FRAS1: variants seen among roughly 807,000 people sequenced by gnomAD.
The protein encoded by FRAS1 is extracellular matrix organizing protein FRAS1.
Under a neutral mutation model 435.2 loss-of-function variants are expected in FRAS1, and 290 were observed. The observed-to-expected ratio is 0.67, with a 90% CI of 0.61 to 0.73. The LOEUF (loss-of-function observed/expected upper bound fraction) is 0.73, where lower values mean the gene tolerates loss of function less well. Ranked by LOEUF, FRAS1 falls within the 30% of genes least tolerant of loss-of-function variation. The pLI, the probability that FRAS1 is intolerant of heterozygous loss-of-function variation, is 0.00. For missense variants in FRAS1, 4,860 were observed against 5,001.5 expected, an observed-to-expected ratio of 0.97 and a Z score of 0.85; for synonymous variants, 1,800 against 1,851.0, an observed-to-expected ratio of 0.97 and a Z score of 0.71.
intron 6 of FRAS1, among the ~76,000 whole-genome samples, chr4:78,256,009 T>C (rs1440370568): frequency 6.6e-6 from 1 of 152,206 alleles, no homozygotes; most frequent in Non-Finnish European, 1.5e-5. Flanking sequence ...GGCTATTCCA[T>C]GGCAGTTGAT....
At chr4:78,346,260 T>A (rs1331861564) in intron 20 of FRAS1, among the ~76,000 whole-genome samples, 1 of 152,236 alleles carries the variant, frequency 6.6e-6, no homozygotes, top group African/African-American at 2.4e-5. Flanking sequence ...GGCCCACTAA[T>A]AACTCATGTT....
chr4:78,394,304 G>T (rs28861485), intron 29 of FRAS1, among the ~76,000 whole-genome samples: 21,195 of 151,870 alleles, frequency 0.14, 1,859 homozygotes, highest in African/African-American at 0.25. Flanking sequence ...ATATCAAGGA[G>T]AATTTCCCCT....
intron 2 of FRAS1, among the ~76,000 whole-genome samples, chr4:78,194,160 TC>T (rs1215745648): frequency 1.3e-5 from 2 of 152,350 alleles, no homozygotes; most frequent in East Asian, 3.9e-4. Flanking sequence ...CTGATGGGCT[TC>T]CCTTTGTGGG....
At chr4:78,525,510 C>T (rs1410485975) in intron 69 of FRAS1, among the ~76,000 whole-genome samples, 1 of 152,172 alleles carries the variant, frequency 6.6e-6, no homozygotes, top group Admixed American at 6.6e-5. Flanking sequence ...ACTACACTGA[C>T]CCCAGGATGT....
Position 78,455,988 on chromosome 4 carries a change from C to T in FRAS1, c.6763+3634C>T, listed in dbSNP as rs143837893. 4.6e-3 allele frequency among the ~76,000 whole-genome samples: 694 copies of T among 152,130 alleles called. 2 individuals are homozygous for T. Among genetic ancestry groups the T allele is most frequent in the Non-Finnish European group, 5.4e-3 (368 of 67,996 alleles). ...CAGGTGGCTCAGGGGTGTGAGGTGG[C>T]TCAGTGATCCTCAGTGTGAGGCTTC... On this transcript the variant is annotated intron_variant, in intron 47 of 73. Coordinates refer to ENST00000512123, the MANE Select transcript of FRAS1 (RefSeq NM_025074.7).
At chr4:78,271,072 C>T (rs983310993) in intron 9 of FRAS1, among the ~76,000 whole-genome samples, 4 of 152,128 alleles carry the variant, frequency 2.6e-5, no homozygotes, top group Non-Finnish European at 5.9e-5. Context: ...TATAATGCTA[C>T]CAAAGACATC....
intron 1 of FRAS1, among the ~76,000 whole-genome samples, chr4:78,065,083 T>TATATATATATAC (rs1383890164): frequency 2.1e-5 from 3 of 140,596 alleles, no homozygotes; most frequent in African/African-American, 7.9e-5. Flanking sequence ...TATATATATA[T>TATATATATATAC]ACATACACAC....
At chr4:78,215,812 C>T (rs756991484) in intron 2 of FRAS1, among the ~76,000 whole-genome samples, 15 of 152,154 alleles carry the variant, frequency 9.9e-5, no homozygotes, top group Non-Finnish European at 1.8e-4. Context: ...ATTGATATTC[C>T]ATTGTATGTA....
chr4:78,509,149 C>G (rs939658272), intron 63 of FRAS1, 143 bp downstream of exon 63: 2 of 898,892 alleles, frequency 2.2e-6, no homozygotes, highest in Non-Finnish European at 3.3e-6. Context: ...TCTTTTTACT[C>G]TTATACATAA....
intron 14 of FRAS1, among the ~76,000 whole-genome samples, chr4:78,305,685 C>T (rs1402097530): frequency 2.6e-5 from 4 of 151,018 alleles, no homozygotes; most frequent in Non-Finnish European, 3.0e-5. Flanking sequence ...GGATTGCAAC[C>T]CCTGCCTTTT....
chr4:78,225,553 G>A (rs1724233878), intron 2 of FRAS1, among the ~76,000 whole-genome samples: 1 of 152,114 alleles, frequency 6.6e-6, no homozygotes, highest in South Asian at 2.1e-4. Flanking sequence ...AATTGTTTCA[G>A]AAGTCTTGCT....
At chr4:78,087,296 T>C (rs1272556845) in intron 2 of FRAS1, among the ~76,000 whole-genome samples, 1 of 151,988 alleles carries the variant, frequency 6.6e-6, no homozygotes, top group African/African-American at 2.4e-5. Flanking sequence ...GAGCTATCTA[T>C]GACAAACCCA....
At chr4:78,385,860 G>C (rs1348238072) in intron 28 of FRAS1, among the ~76,000 whole-genome samples, 1 of 151,354 alleles carries the variant, frequency 6.6e-6, no homozygotes, top group Non-Finnish European at 1.5e-5. Context: ...ACTCCAGCCT[G>C]GGCAACAGAG....
Position 78,201,847 on chromosome 4 carries a change from G to A in FRAS1, c.109-35663G>A, listed in dbSNP as rs557369633. On this transcript the variant is annotated intron_variant, in intron 2 of 73. Coordinates refer to ENST00000512123, the MANE Select transcript of FRAS1 (RefSeq NM_025074.7). ...GGATTCAGTGTGAGTTGGGAGAAAA[G>A]GGGGAAGAAGAAAAGAAAATAAATA... Among the ~76,000 whole-genome samples, 4 of 152,258 alleles carry A rather than the reference G, an allele frequency of 2.6e-5. No individual in the cohort carries two copies. The East Asian group carries it at 7.7e-4, about 29-fold the overall frequency.
chr4:78,356,467 C>A (rs375817858), intron 20 of FRAS1, among the ~76,000 whole-genome samples: 1 of 152,142 alleles, frequency 6.6e-6, no homozygotes, highest in African/African-American at 2.4e-5. Flanking sequence ...AAGGTCTTCC[C>A]CAGTCATGCA....
chr4:78,065,528 T>C (rs1339124347), intron 1 of FRAS1, among the ~76,000 whole-genome samples: 1 of 152,016 alleles, frequency 6.6e-6, no homozygotes, highest in Non-Finnish European at 1.5e-5. Flanking sequence ...AAAGTACATC[T>C]CCTGTAGAAA....
intron 70 of FRAS1, among the ~76,000 whole-genome samples, chr4:78,528,014 T>C (rs1721597794): frequency 1.3e-5 from 2 of 152,004 alleles, no homozygotes; most frequent in African/African-American, 4.8e-5. Context: ...AGTGAATCAA[T>C]GGAAGCAGGT....
rs200573560 is a variant in FRAS1 at position 78,236,304 on chromosome 4, A to T, written c.109-1206A>T. On this transcript the variant is annotated intron_variant, in intron 2 of 73. Transcript: ENST00000512123. ...AATAGTTGCATTTATTTATTTATTTATTTATTTTTTGGCTTTGAGGTTTTT... is the reference window on the plus strand; with the variant it reads ...AATAGTTGCATTTATTTATTTATTTTTTTATTTTTTGGCTTTGAGGTTTTT... 1.4e-4 allele frequency among the ~76,000 whole-genome samples: 21 copies of T among 146,726 alleles called. No homozygotes were observed. The East Asian group carries it at 3.1e-3, about 22-fold the overall frequency.
chr4:78,086,420 AAGATC>A (rs1043258460), intron 2 of FRAS1, among the ~76,000 whole-genome samples: 35 of 152,328 alleles, frequency 2.3e-4, no homozygotes, highest in African/African-American at 8.2e-4. Flanking sequence ...AGAAATAACT[AAGATC>A]AGAGCAGAAC....
Sources: allele counts gnomAD v4.1 joint callset (sites outside exome capture counted in the v4.1 genomes callset), GRCh38; gene constraint gnomAD v4.1.1; transcripts MANE v1.5; gene names NCBI Gene and HGNC (gene_info 2026-07-23, HGNC 2026-07-21).